The following LMNB1 variants were observed in gnomAD, a reference collection of about 807,000 sequenced individuals.
LMNB1 encodes the protein lamin-B1.
A neutral mutation model predicts 67.1 loss-of-function variants in LMNB1; 23 were observed. That is an observed-to-expected ratio of 0.34 (90% CI 0.25 to 0.49). The LOEUF is 0.49. Ranked by LOEUF, LMNB1 falls within the 20% of genes least tolerant of loss-of-function variation. LMNB1 has a pLI of 0.99. For synonymous variants in LMNB1, 281 were observed against 282.9 expected, an observed-to-expected ratio of 0.99 and a Z score of 0.07; for missense variants, 634 against 746.5, an observed-to-expected ratio of 0.85 and a Z score of 1.76.
At chr5:126,827,857 G>A (rs750457768) in intron 9 of LMNB1, among the ~76,000 whole-genome samples, 17 of 152,138 alleles carry the variant, frequency 1.1e-4, no homozygotes, top group Non-Finnish European at 1.6e-4. Context: ...AAATCACACC[G>A]TCCCCTTAGG....
chr5:126,822,726 C>T, intron 7 of LMNB1, 55 bp from the exon 8 acceptor site: 2 of 1,074,276 alleles, frequency 1.9e-6, no homozygotes, highest in Non-Finnish European at 2.8e-6. Context: ...TTTGATTATT[C>T]CACAACTTTC....
At chr5:126,798,016 G>T (rs1167463640) in intron 1 of LMNB1, among the ~76,000 whole-genome samples, 1 of 152,150 alleles carries the variant, frequency 6.6e-6, no homozygotes, top group African/African-American at 2.4e-5. Flanking sequence ...AACCCAGGAG[G>T]TGTAAGTTAC....
upstream of LMNB1, chr5:126,777,122 TC>T: frequency 8.7e-6 from 1 of 114,914 alleles, no homozygotes; most frequent in Non-Finnish European, 1.9e-5. Flanking sequence ...CCGGCCCTCC[TC>T]CCCCCGCCCG....
chr5:126,821,729 C>A (rs1397808384), intron 7 of LMNB1, among the ~76,000 whole-genome samples: 1 of 152,148 alleles, frequency 6.6e-6, no homozygotes, highest in Admixed American at 6.6e-5. Flanking sequence ...TGTGGGCCTT[C>A]CCTAGCTCTG....
chr5:126,795,835 T>A (rs142298569), intron 1 of LMNB1, among the ~76,000 whole-genome samples: 245 of 151,520 alleles, frequency 1.6e-3, no homozygotes, highest in African/African-American at 5.9e-3. Context: ...CCATGTTGGA[T>A]CAGGCTGGTC....
At chr5:126,822,732 C>A in intron 7 of LMNB1, 49 bp from the exon 8 acceptor site, 2 of 1,137,636 alleles carry the variant, frequency 1.8e-6, no homozygotes, top group African/African-American at 1.6e-5. Flanking sequence ...TATTCCACAA[C>A]TTTCTTTATC....
intron 6 of LMNB1, among the ~76,000 whole-genome samples, chr5:126,820,168 A>C (rs1751827175): frequency 6.6e-6 from 1 of 152,158 alleles, no homozygotes; most frequent in Non-Finnish European, 1.5e-5. Context: ...AGAAAAAAAA[A>C]GTTCCAAAAG....
chr5:126,789,086 C>T (rs1316854423), intron 1 of LMNB1, among the ~76,000 whole-genome samples: 1 of 151,776 alleles, frequency 6.6e-6, no homozygotes, highest in African/African-American at 2.4e-5. Flanking sequence ...GAGGGTTTTG[C>T]CATGTTTCCC....
intron 1 of LMNB1, among the ~76,000 whole-genome samples, chr5:126,792,966 C>T (rs1751000957): frequency 6.6e-6 from 1 of 152,164 alleles, no homozygotes; most frequent in Admixed American, 6.5e-5. Flanking sequence ...AATAATGATG[C>T]TTAGAACATT....
chr5:126,809,334 T>C (rs1044936820), intron 3 of LMNB1, among the ~76,000 whole-genome samples: 3 of 152,252 alleles, frequency 2.0e-5, no homozygotes, highest in Non-Finnish European at 4.4e-5. Context: ...GATAGCTTAA[T>C]ACCGGCTTTT....
chr5:126,782,826 G>A (rs1018095763), intron 1 of LMNB1, among the ~76,000 whole-genome samples: 8 of 152,204 alleles, frequency 5.3e-5, no homozygotes, highest in Admixed American at 5.2e-4. Context: ...GGGATTACAG[G>A]CGTGAGCCAC....
intron 1 of LMNB1, among the ~76,000 whole-genome samples, chr5:126,785,193 G>A (rs540124089): frequency 7.5e-6 from 1 of 133,120 alleles, no homozygotes; most frequent in South Asian, 2.4e-4. Context: ...TCACCATGTC[G>A]GCCAGGATCA....
chr5:126,808,863 T>C (rs559791147), intron 3 of LMNB1, among the ~76,000 whole-genome samples: 1 of 152,042 alleles, frequency 6.6e-6, no homozygotes, highest in Non-Finnish European at 1.5e-5. Flanking sequence ...TCTTCAGATA[T>C]TACCATTCTA....
intron 5 of LMNB1, among the ~76,000 whole-genome samples, chr5:126,812,489 G>A (rs1481687194): frequency 6.6e-6 from 1 of 152,162 alleles, no homozygotes; most frequent in Non-Finnish European, 1.5e-5. Context: ...AGGGTGTGAT[G>A]GTGTGCTTCA....
In LMNB1 at chr5:126,811,912, T is replaced by C; in HGVS notation, c.939+14T>C. On this transcript the variant is annotated intron_variant, in intron 5 of 10. Transcript: ENST00000261366. Reference sequence around the variant, plus strand: ...CTACAGAAAGAGGTAAATAATCATCTTTCTGTAAGAAGTTAGACTTGAAGG... The same window carrying C: ...CTACAGAAAGAGGTAAATAATCATCCTTCTGTAAGAAGTTAGACTTGAAGG... 3 of 1,602,872 alleles carry C rather than the reference T, an allele frequency of 1.9e-6. No individual in the cohort carries two copies. Among genetic ancestry groups the C allele is most frequent in the Middle Eastern group, 1.7e-4 (1 of 6,014 alleles).
intron 1 of LMNB1, among the ~76,000 whole-genome samples, chr5:126,802,518 A>G (rs949753468): frequency 6.6e-6 from 1 of 152,128 alleles, no homozygotes; most frequent in Non-Finnish European, 1.5e-5. Context: ...ATCTCGGCTC[A>G]CTGCAACCTC....
intron 5 of LMNB1, among the ~76,000 whole-genome samples, chr5:126,817,796 C>T (rs1399958767): frequency 1.3e-5 from 2 of 152,152 alleles, no homozygotes; most frequent in East Asian, 3.8e-4. Context: ...AGTTTTTGCA[C>T]ATTAGATGCC....
At chr5:126,834,185 T>C (rs766564524) in intron 10 of LMNB1, among the ~76,000 whole-genome samples, 1 of 152,008 alleles carries the variant, frequency 6.6e-6, no homozygotes, top group Admixed American at 6.5e-5. Flanking sequence ...ACAGAGTAAG[T>C]GGAGGGTACA....
intron 1 of LMNB1, among the ~76,000 whole-genome samples, chr5:126,794,188 G>C (rs1056845066): frequency 1.3e-5 from 2 of 152,168 alleles, no homozygotes; most frequent in Non-Finnish European, 2.9e-5. Context: ...GCCCCCTATA[G>C]TACTGGGATT....
Sources: allele counts gnomAD v4.1 joint callset (sites outside exome capture counted in the v4.1 genomes callset), GRCh38; gene constraint gnomAD v4.1.1; transcripts MANE v1.5; gene names NCBI Gene and HGNC (gene_info 2026-07-23, HGNC 2026-07-21).